The following EYA2 variants were observed in gnomAD, a reference collection of about 807,000 sequenced individuals.
EYA2 encodes EYA transcriptional coactivator and phosphatase 2.
Under a neutral mutation model 69.2 loss-of-function variants are expected in EYA2, and 31 were observed. That is an observed-to-expected ratio of 0.45 (90% confidence interval 0.34 to 0.60). The LOEUF (loss-of-function observed/expected upper bound fraction) is 0.60, where lower values mean the gene tolerates loss of function less well. EYA2 is among the 20% of genes least tolerant of loss of function. The pLI is 0.02. For missense variants in EYA2, 622 were observed against 701.2 expected (o/e 0.89, Z 1.28); for synonymous variants, 257 against 279.4 (o/e 0.92, Z 0.80).
chr20:47,164,099 C>T (rs77819085), intron 10 of EYA2, among the ~76,000 whole-genome samples: 2,817 of 152,204 alleles, frequency 0.019, 98 homozygotes, highest in African/African-American at 0.064. Flanking sequence ...ACTTACAGTC[C>T]CCTCACCCTC....
At chr20:46,983,318 C>T (rs1410331423) in intron 1 of EYA2, among the ~76,000 whole-genome samples, 5 of 152,080 alleles carry the variant, frequency 3.3e-5, no homozygotes, top group African/African-American at 1.2e-4. Context: ...ATGACATCTC[C>T]TCCAAAAGAA....
intron 1 of EYA2, among the ~76,000 whole-genome samples, chr20:46,907,629 A>G (rs1369561269): frequency 2.0e-5 from 3 of 152,222 alleles, no homozygotes; most frequent in Non-Finnish European, 4.4e-5. Flanking sequence ...GCGTGAAGTC[A>G]GAAGTTCGAG....
At chr20:47,007,782 A>C (rs1469265083) in intron 4 of EYA2, among the ~76,000 whole-genome samples, 1 of 150,838 alleles carries the variant, frequency 6.6e-6, no homozygotes, top group Non-Finnish European at 1.5e-5. Flanking sequence ...CCCCTGGCTA[A>C]TTTTTTTTTA....
chr20:46,945,020 C>T (rs530379540), intron 1 of EYA2, among the ~76,000 whole-genome samples: 2 of 151,998 alleles, frequency 1.3e-5, no homozygotes, highest in African/African-American at 4.8e-5. Context: ...AGGAGGATCA[C>T]GTGAGCCTGG....
At chr20:47,137,017 A>G (rs578101934) in intron 9 of EYA2, among the ~76,000 whole-genome samples, 7 of 152,216 alleles carry the variant, frequency 4.6e-5, no homozygotes, top group African/African-American at 1.7e-4. Context: ...AGTCAAACAA[A>G]GATGACATTC....
At chr20:46,935,381 T>C (rs996593739) in intron 1 of EYA2, among the ~76,000 whole-genome samples, 2 of 152,268 alleles carry the variant, frequency 1.3e-5, no homozygotes, top group African/African-American at 4.8e-5. Context: ...GACTTTGTGC[T>C]GGCACCTACT....
intron 9 of EYA2, among the ~76,000 whole-genome samples, chr20:47,110,231 C>T (rs149637404): frequency 2.0e-5 from 3 of 152,246 alleles, no homozygotes; most frequent in East Asian, 3.9e-4. Flanking sequence ...TGGCCCACTG[C>T]TCTTTAATTT....
chr20:47,097,007 G>A, intron 8 of EYA2, 78 bp from the exon 9 acceptor site: 1 of 1,029,922 alleles, frequency 9.7e-7, no homozygotes, highest in Admixed American at 2.1e-5. Context: ...TTCCTCCAAG[G>A]GAATGAATTT....
At chr20:46,998,426 G>A (rs932865583) in intron 2 of EYA2, 9 of 152,278 alleles carry the variant, frequency 5.9e-5, no homozygotes, top group African/African-American at 2.2e-4. Flanking sequence ...CTGTGATGAT[G>A]TTTGGCTACA....
intron 9 of EYA2, among the ~76,000 whole-genome samples, chr20:47,110,525 C>A (rs770054298): frequency 2.6e-5 from 4 of 152,168 alleles, no homozygotes; most frequent in Non-Finnish European, 5.9e-5. Flanking sequence ...TCCGGCCGCT[C>A]CACTGCTCTT....
chr20:47,178,189 A>G (rs981905975), intron 12 of EYA2, among the ~76,000 whole-genome samples: 13 of 152,110 alleles, frequency 8.5e-5, no homozygotes, highest in African/African-American at 2.9e-4. Context: ...TTAGCCGGAC[A>G]TGGTGGCAGG....
At chr20:47,055,386 C>A (rs947889109) in intron 5 of EYA2, among the ~76,000 whole-genome samples, 1 of 152,194 alleles carries the variant, frequency 6.6e-6, no homozygotes, top group African/African-American at 2.4e-5. Flanking sequence ...GATCTGTTTC[C>A]ACCACACTGG....
chr20:46,948,947 A>T (rs1446890106), intron 1 of EYA2, among the ~76,000 whole-genome samples: 1 of 152,244 alleles, frequency 6.6e-6, no homozygotes, highest in Non-Finnish European at 1.5e-5. Flanking sequence ...CAGGGAAAAT[A>T]CATGCACTAT....
intron 9 of EYA2, among the ~76,000 whole-genome samples, chr20:47,103,666 C>T (rs1201305584): frequency 2.0e-5 from 3 of 151,628 alleles, no homozygotes; most frequent in Non-Finnish European, 4.4e-5. Flanking sequence ...TGACAACCCA[C>T]CCACCCACCA....
chr20:46,995,089 C>T (rs1981931944), intron 2 of EYA2, among the ~76,000 whole-genome samples: 1 of 152,084 alleles, frequency 6.6e-6, no homozygotes. Flanking sequence ...TTAGTAGAGG[C>T]AGGGTTTCAC....
chr20:46,915,499 C>T (rs1021517881), intron 1 of EYA2, among the ~76,000 whole-genome samples: 4 of 152,150 alleles, frequency 2.6e-5, no homozygotes, highest in Admixed American at 6.5e-5. Flanking sequence ...GGAGGAGCCC[C>T]ACATGGGAAG....
intron 7 of EYA2, among the ~76,000 whole-genome samples, chr20:47,083,465 C>A (rs527756684): frequency 6.6e-6 from 1 of 151,664 alleles, no homozygotes; most frequent in East Asian, 1.9e-4. Flanking sequence ...GTAATCCCAG[C>A]TACTTGGGAG....
chr20:47,141,524 T>C (rs1336393053), intron 9 of EYA2, among the ~76,000 whole-genome samples: 1 of 152,210 alleles, frequency 6.6e-6, no homozygotes, highest in Non-Finnish European at 1.5e-5. Context: ...GTGTATCGGT[T>C]AGGATAGGTA....
rs1163962267 is a variant in EYA2 at position 47,179,970 on chromosome 20, G to A, written c.1313+58G>A. 4 of 1,222,652 alleles carry A rather than the reference G, an allele frequency of 3.3e-6. 1 individual carries two copies. The South Asian group carries it at 3.7e-5, about 11-fold the overall frequency. 75.7% of individuals were successfully genotyped at this position (1,222,652 alleles called of 1,614,324 possible). A position where few individuals can be genotyped will look rare whatever the true frequency, so the allele number is the denominator to read the frequency against. ...CTGAACTTTCTCGCAGTAGACAGTG[G>A]TGGCTCCTGCATGTCCACACTTGGG... On this transcript the variant is annotated intron_variant, in intron 13 of 15. Coordinates refer to ENST00000327619, the MANE Select transcript of EYA2 (RefSeq NM_005244.5).
Sources: allele counts gnomAD v4.1 joint callset (sites outside exome capture counted in the v4.1 genomes callset), GRCh38; gene constraint gnomAD v4.1.1; transcripts MANE v1.5; gene names NCBI Gene and HGNC (gene_info 2026-07-23, HGNC 2026-07-21).